The following CADPS variants were observed in gnomAD, a reference collection of about 807,000 sequenced individuals.
CADPS encodes calcium dependent secretion activator.
In CADPS, 57 loss-of-function variants were observed where a neutral mutation model predicts 167.3. The observed-to-expected ratio is 0.34, with a 90% CI of 0.28 to 0.42. The LOEUF is 0.42. Ranked by LOEUF, CADPS falls within the 20% of genes least tolerant of loss-of-function variation. The pLI is 1.00. For synonymous variants in CADPS, 676 were observed against 635.3 expected (o/e 1.06, Z -0.96); for missense variants, 1,414 against 1,738.1 (o/e 0.81, Z 3.32).
chr3:62,773,889 T>G (rs1223161301), intron 1 of CADPS, among the ~76,000 whole-genome samples: 1 of 152,186 alleles, frequency 6.6e-6, no homozygotes, highest in African/African-American at 2.4e-5. Context: ...ATTTTAAAAT[T>G]ATTTAATAAT....
rs774675078 is a variant in CADPS at position 62,399,479 on chromosome 3, G to A, written c.3989C>T (p.Ser1330Leu). The change falls in exon 30 of 30, where the codon TCA becomes TTA. Residue 1330 changes from serine to leucine, a missense_variant. Physicochemically the swap from Ser to Leu is moderately radical, Grantham distance 145. This residue lies in a region of CADPS where 185 missense variants were observed against 251.5 expected (regional missense o/e 0.74). Transcript: ENST00000383710. This position sits in a 1 kb window ranked among gnomAD's most constrained non-coding sequence, Gnocchi z 5.6. ...CTGCAGTCCCCCACCTTCACTCACT[G>A]ATGCTGTGGCTTCCTCCACAGTGAG... ...NRLTVEEATA[S>L]VSEGGGLQGI... 1.9e-6 allele frequency: 3 copies of A among 1,614,176 alleles called. No individual in the cohort carries two copies. Among genetic ancestry groups the A allele is most frequent in the Non-Finnish European group, 2.5e-6 (3 of 1,180,002 alleles).
intron 13 of CADPS, among the ~76,000 whole-genome samples, chr3:62,529,156 C>T (rs755274061): frequency 1.4e-4 from 22 of 152,064 alleles, no homozygotes; most frequent in Non-Finnish European, 1.3e-4. Context: ...AGCGAGACTT[C>T]ATCTCAAAAA....
At chr3:62,494,064 C>T (rs1471851677) in intron 18 of CADPS, among the ~76,000 whole-genome samples, 1 of 152,124 alleles carries the variant, frequency 6.6e-6, no homozygotes, top group Non-Finnish European at 1.5e-5. Flanking sequence ...TATTGGATTC[C>T]TCTAACTTGT....
At chr3:62,624,527 C>T (rs2063699567) in intron 6 of CADPS, among the ~76,000 whole-genome samples, 1 of 151,490 alleles carries the variant, frequency 6.6e-6, no homozygotes, top group Admixed American at 6.6e-5. Context: ...AAAATGTCTC[C>T]AGTCTCTTAA....
chr3:62,557,090 T>A (rs1189773262), intron 10 of CADPS, among the ~76,000 whole-genome samples: 1 of 151,876 alleles, frequency 6.6e-6, no homozygotes, highest in Non-Finnish European at 1.5e-5. Flanking sequence ...TTTCAGAATT[T>A]TTTTTTTAGC....
intron 8 of CADPS, among the ~76,000 whole-genome samples, chr3:62,583,785 T>TC (rs397795007): frequency 1.3e-5 from 2 of 151,252 alleles, no homozygotes; most frequent in Non-Finnish European, 3.0e-5. Context: ...GGGCTTTTTT[T>TC]GCTTCCTAGA....
intron 7 of CADPS, among the ~76,000 whole-genome samples, chr3:62,592,021 T>G (rs1282838404): frequency 6.6e-5 from 10 of 152,186 alleles, no homozygotes; most frequent in African/African-American, 2.4e-4. Context: ...GGCACATTTC[T>G]AAGGAAATCA....
intron 8 of CADPS, among the ~76,000 whole-genome samples, chr3:62,577,923 A>G (rs1156824576): frequency 6.6e-6 from 1 of 152,222 alleles, no homozygotes; most frequent in East Asian, 1.9e-4. Context: ...AAGAAAGCAG[A>G]AAAATAGGAA....
intron 3 of CADPS, among the ~76,000 whole-genome samples, chr3:62,681,428 T>A (rs62242518): frequency 1.3e-5 from 2 of 151,902 alleles, no homozygotes; most frequent in African/African-American, 2.4e-5. Flanking sequence ...GCACAGGGCC[T>A]GGCCTGTGTT....
chr3:62,730,565 T>C (rs1249987908), intron 3 of CADPS, among the ~76,000 whole-genome samples: 1 of 151,858 alleles, frequency 6.6e-6, no homozygotes, highest in Admixed American at 6.6e-5. Context: ...GCTTGGTGAC[T>C]TGGGTCACTG....
intron 1 of CADPS, chr3:62,814,241 C>T (rs985059685): frequency 2.0e-5 from 3 of 152,078 alleles, no homozygotes; most frequent in Non-Finnish European, 2.9e-5. Flanking sequence ...TCTAAAAACA[C>T]AGTAAAAATG....
chr3:62,607,385 G>T (rs1391292584), intron 6 of CADPS, among the ~76,000 whole-genome samples: 2 of 152,168 alleles, frequency 1.3e-5, no homozygotes, highest in Non-Finnish European at 1.5e-5. Context: ...CAGGGCTAAG[G>T]CAGGCAGCCA....
intron 28 of CADPS, among the ~76,000 whole-genome samples, chr3:62,408,475 C>T (rs956113881): frequency 6.6e-6 from 1 of 152,178 alleles, no homozygotes; most frequent in Non-Finnish European, 1.5e-5. Context: ...GGAAACTTTA[C>T]CCCCTGGAAG....
chr3:62,424,469 C>T (rs530157359), intron 28 of CADPS, among the ~76,000 whole-genome samples: 1 of 152,268 alleles, frequency 6.6e-6, no homozygotes, highest in South Asian at 2.1e-4. Context: ...AGGCATGAGC[C>T]ACCGCGCCTG....
At chr3:62,485,519 T>C (rs1388253618) in intron 21 of CADPS, among the ~76,000 whole-genome samples, 1 of 152,234 alleles carries the variant, frequency 6.6e-6, no homozygotes, top group Non-Finnish European at 1.5e-5. Flanking sequence ...AGATTTTACA[T>C]TGGCAAATAG....
At chr3:62,758,421 A>G (rs763983649) in intron 2 of CADPS, among the ~76,000 whole-genome samples, 1 of 152,208 alleles carries the variant, frequency 6.6e-6, no homozygotes, top group Non-Finnish European at 1.5e-5. Context: ...TGAGGAGAGA[A>G]GGTGGCAGCA....
chr3:62,704,911 T>C (rs1025352603), intron 3 of CADPS, among the ~76,000 whole-genome samples: 1 of 152,072 alleles, frequency 6.6e-6, no homozygotes, highest in African/African-American at 2.4e-5. Context: ...GTATCACACC[T>C]GGAAAGCACC....
intron 6 of CADPS, among the ~76,000 whole-genome samples, chr3:62,606,831 G>C (rs952052445): frequency 2.2e-4 from 33 of 152,304 alleles, no homozygotes; most frequent in African/African-American, 7.2e-4. Flanking sequence ...CTTTCAGCCT[G>C]GATCCCAGAA....
In CADPS at chr3:62,576,788, T is replaced by TAA. The variant is rs138055445; in HGVS notation, c.1578-5852_1578-5851dup. Among the ~76,000 whole-genome samples the TAA allele has an allele frequency of 3.3e-3, 99 of 29,854 alleles. 15 individuals carry two copies. The highest frequency in any genetic ancestry group is 0.011 in the African/African-American group (89 of 8,198). The allele number at this position is 29,854 out of a possible 152,430, so 19.6% of individuals were successfully genotyped here. A position where few individuals can be genotyped will look rare whatever the true frequency, so the allele number is the denominator to read the frequency against. On this transcript the variant is annotated intron_variant, in intron 8 of 29. Coordinates refer to ENST00000383710, the MANE Select transcript of CADPS (RefSeq NM_003716.4). ...CTGGGTGACAGAGCAAGACTCTGTC[T>TAA]AAAAAAAAAAAAAAAAAAAAAAAAA...
Sources: allele counts gnomAD v4.1 joint callset (sites outside exome capture counted in the v4.1 genomes callset), GRCh38; gene constraint gnomAD v4.1.1; regional missense constraint gnomAD v4.1.1; non-coding constraint Gnocchi (gnomAD v3.1); transcripts MANE v1.5; gene names NCBI Gene and HGNC (gene_info 2026-07-23, HGNC 2026-07-21).